The following LPP variants were observed in gnomAD, a reference collection of about 807,000 sequenced individuals.
LPP encodes LIM domain containing preferred translocation partner in lipoma.
In LPP, 38 loss-of-function variants were observed where a neutral mutation model predicts 60.4. The ratio of observed to expected loss-of-function variants is 0.63; its 90% CI spans 0.49 to 0.83. The LOEUF (loss-of-function observed/expected upper bound fraction) is 0.83, where lower values mean the gene tolerates loss of function less well. LPP is among the 40% of genes least tolerant of loss of function. LPP has a pLI of 0.00. For synonymous variants in LPP, 328 were observed against 290.8 expected (o/e 1.13, Z -1.30); for missense variants, 902 against 783.6 (o/e 1.15, Z -1.80).
chr3:188,750,680 A>C (rs1410471819), intron 8 of LPP, among the ~76,000 whole-genome samples: 1 of 152,180 alleles, frequency 6.6e-6, no homozygotes, highest in Admixed American at 6.5e-5. Flanking sequence ...TGTCCAGGTT[A>C]ACACTCTTTT....
chr3:188,478,676 T>C (rs1407171664), intron 4 of LPP, among the ~76,000 whole-genome samples: 1 of 152,160 alleles, frequency 6.6e-6, no homozygotes, highest in East Asian at 1.9e-4. Context: ...TTTTAAGTTT[T>C]TGGACTTAAA....
chr3:188,696,146 G>C (rs1159224686), intron 7 of LPP, among the ~76,000 whole-genome samples: 1 of 152,122 alleles, frequency 6.6e-6, no homozygotes, highest in Non-Finnish European at 1.5e-5. Flanking sequence ...ATGGTTGATA[G>C]AGTAGAATGC....
chr3:188,356,929 G>A (rs576041104), intron 3 of LPP, among the ~76,000 whole-genome samples: 1 of 152,232 alleles, frequency 6.6e-6, no homozygotes, highest in Non-Finnish European at 1.5e-5. Flanking sequence ...TACTTTGTAC[G>A]GCCAAAGCGT....
At chr3:188,447,520 G>C (rs140007590) in intron 4 of LPP, among the ~76,000 whole-genome samples, 2,046 of 149,142 alleles carry the variant, frequency 0.014, 51 homozygotes, top group African/African-American at 0.049. Context: ...TGAGGCAGGA[G>C]AATTACTTGA....
chr3:188,212,595 G>A (rs1272938084), intron 1 of LPP: 1 of 152,252 alleles, frequency 6.6e-6, no homozygotes, highest in Non-Finnish European at 1.5e-5. Context: ...TCAGGGTTTA[G>A]GAGAAGCAGG....
chr3:188,280,956 A>C (rs1741793323), intron 2 of LPP, among the ~76,000 whole-genome samples: 1 of 144,068 alleles, frequency 6.9e-6, no homozygotes, highest in African/African-American at 2.6e-5. Context: ...TTTTTTTAAG[A>C]GGGAATCTTG....
At chr3:188,277,426 G>T (rs995359130) in intron 2 of LPP, among the ~76,000 whole-genome samples, 5 of 152,032 alleles carry the variant, frequency 3.3e-5, no homozygotes, top group Non-Finnish European at 7.4e-5. Context: ...TTCTCTATTA[G>T]TTTTTTAAAT....
rs1744768817 is a variant in LPP, at chr3:188,288,544, C to G, written c.-66-53119C>G. ...CCCCTTCACGTCGTTGTCCAGAGCT[C>G]CTGGTGGAGCCTTGGCCTTTTCCAT... On this transcript the variant is annotated intron_variant, in intron 2 of 11. Transcript: ENST00000617246. Among the ~76,000 whole-genome samples, 4 of 151,902 alleles carry G rather than the reference C, an allele frequency of 2.6e-5. No individual in the cohort carries two copies. In the South Asian group the frequency reaches 8.3e-4, roughly 32 times the overall value.
intron 1 of LPP, among the ~76,000 whole-genome samples, chr3:188,184,681 T>C (rs1726049972): frequency 7.0e-6 from 1 of 142,660 alleles, no homozygotes; most frequent in South Asian, 2.5e-4. Context: ...AGGGCTCCGG[T>C]AAACTTTTTT....
chr3:188,828,614 CAAAAAAAAAAAAAA>C (rs71169022), intron 9 of LPP, among the ~76,000 whole-genome samples: 1 of 31,330 alleles, frequency 3.2e-5, no homozygotes, highest in Non-Finnish European at 5.2e-5. Context: ...AACTCTGTCT[CAAAAAAAAAAAAAA>C]AAAAAAAAAA....
At chr3:188,241,055 C>G (rs900627749) in intron 2 of LPP, among the ~76,000 whole-genome samples, 1 of 152,110 alleles carries the variant, frequency 6.6e-6, no homozygotes, top group Non-Finnish European at 1.5e-5. Flanking sequence ...GTGAGAATGT[C>G]CCTACATGTG....
chr3:188,312,682 A>G (rs1753824755), intron 2 of LPP, among the ~76,000 whole-genome samples: 1 of 152,190 alleles, frequency 6.6e-6, no homozygotes, highest in Non-Finnish European at 1.5e-5. Context: ...GCATTTCTAA[A>G]CACTGTTTAT....
At chr3:188,483,275 C>G (rs933128819) in intron 4 of LPP, among the ~76,000 whole-genome samples, 4 of 152,110 alleles carry the variant, frequency 2.6e-5, no homozygotes, top group Admixed American at 2.0e-4. Context: ...AAAGGTGTAT[C>G]AGAACAACAA....
rs529035067 is a variant in LPP, at chr3:188,787,431, C to T, written c.1410+27149C>T. On this transcript the variant is annotated intron_variant, in intron 9 of 11. Coordinates refer to ENST00000617246, the MANE Select transcript of LPP (RefSeq NM_001375462.1). ...TAGATCTCTCTCTCTTACACACACA[C>T]GCACACACACACATACATCTAAGCT... Among the ~76,000 whole-genome samples the T allele has an allele frequency of 9.6e-4, 146 of 152,118 alleles. 2 individuals carry two copies. Among genetic ancestry groups the T allele is most frequent in the Middle Eastern group, 3.4e-3 (1 of 292 alleles).
At chr3:188,520,725 T>C (rs950057026) in intron 5 of LPP, among the ~76,000 whole-genome samples, 51 of 152,312 alleles carry the variant, frequency 3.3e-4, no homozygotes, top group African/African-American at 1.2e-3. Context: ...GATGTAATCT[T>C]TGAAATCTCT....
intron 1 of LPP, among the ~76,000 whole-genome samples, chr3:188,187,574 C>A (rs967798580): frequency 6.6e-6 from 1 of 151,942 alleles, no homozygotes; most frequent in African/African-American, 2.4e-5. Flanking sequence ...CTGTCGTTCT[C>A]TTGTCTGCTT....
chr3:188,508,913 C>CA (rs1814365609), intron 5 of LPP, among the ~76,000 whole-genome samples: 1 of 152,146 alleles, frequency 6.6e-6, no homozygotes, highest in Non-Finnish European at 1.5e-5. Flanking sequence ...TTAGCATGGA[C>CA]AAGAATTGGG....
chr3:188,766,378 C>CAAAAAAAA (rs142374028), intron 9 of LPP, among the ~76,000 whole-genome samples: 74 of 124,692 alleles, frequency 5.9e-4, no homozygotes, highest in African/African-American at 2.0e-3. Context: ...CCTTAAAAAG[C>CAAAAAAAA]AAAAAAAAAA....
chr3:188,173,887 A>C (rs1722324419), intron 1 of LPP, among the ~76,000 whole-genome samples: 2 of 152,092 alleles, frequency 1.3e-5, no homozygotes, highest in South Asian at 4.1e-4. Flanking sequence ...ACTATCGGGG[A>C]CTCCCAAAAA....
Sources: gnomAD v4.1 joint callset for allele counts (sites outside exome capture counted in the v4.1 genomes callset) on GRCh38, gnomAD v4.1.1 for gene constraint, MANE v1.5 for transcripts, NCBI Gene and HGNC (gene_info 2026-07-23, HGNC 2026-07-21) for gene names.